Variants in SAMD12 observed in about 807,000 individuals in gnomAD.
The protein encoded by SAMD12 is sterile alpha motif domain containing 12.
Under a neutral mutation model 15.0 loss-of-function variants are expected in SAMD12, and 9 were observed. The observed-to-expected ratio is 0.60, with a 90% confidence interval of 0.36 to 1.05. The LOEUF (loss-of-function observed/expected upper bound fraction) is 1.05. Among genes scored for constraint, SAMD12 ranks in the 50% least tolerant of loss-of-function variants. The probability of loss-of-function intolerance (pLI) is 0.01; values close to 1 mark genes in which losing one functional copy is unlikely to be tolerated. For missense variants in SAMD12, 230 were observed against 234.2 expected, an observed-to-expected ratio of 0.98 and a Z score of 0.12; for synonymous variants, 86 against 90.1, an observed-to-expected ratio of 0.96 and a Z score of 0.25.
At chr8:118,343,152 G>T (rs1260719060) in intron 4 of SAMD12, among the ~76,000 whole-genome samples, 1 of 151,994 alleles carries the variant, frequency 6.6e-6, no homozygotes, top group Non-Finnish European at 1.5e-5. Flanking sequence ...TCCCATGCAG[G>T]AGGCAGGTCC....
At chr8:118,543,585 T>C (rs899027168) in intron 2 of SAMD12, among the ~76,000 whole-genome samples, 8 of 151,950 alleles carry the variant, frequency 5.3e-5, no homozygotes, top group African/African-American at 9.7e-5. Flanking sequence ...ATTCATAAAC[T>C]TTCTTAAAAC....
intron 1 of SAMD12, among the ~76,000 whole-genome samples, chr8:118,604,934 A>T (rs542411025): frequency 2.6e-5 from 4 of 152,284 alleles, no homozygotes; most frequent in African/African-American, 4.8e-5. Flanking sequence ...AAAAATAAAA[A>T]AAATAAAAAT....
chr8:118,167,882 G>T, the SAMD12 span, among the ~76,000 whole-genome samples: 1 of 152,152 alleles, frequency 6.6e-6, no homozygotes, highest in South Asian at 2.1e-4. Flanking sequence ...GGGGTTGTTG[G>T]CTGGGGAGCA....
At chr8:118,311,757 C>T (rs1397713950) in intron 4 of SAMD12, among the ~76,000 whole-genome samples, 4 of 152,288 alleles carry the variant, frequency 2.6e-5, no homozygotes, top group Middle Eastern at 3.4e-3. Flanking sequence ...CTCTGTTTTC[C>T]TCAGCTCTTT....
exon 5 of SAMD12, chr8:118,197,607 A>T (rs1179589755): frequency 1.0e-6 from 1 of 986,512 alleles, no homozygotes; most frequent in Non-Finnish European, 1.6e-6. Flanking sequence ...TCTGTCCACG[A>T]TCCAAGGATA....
At chr8:118,269,212 CTCTCTCTCTGTGTG>C (rs1234260969) in intron 4 of SAMD12, among the ~76,000 whole-genome samples, 1 of 117,976 alleles carries the variant, frequency 8.5e-6, no homozygotes, top group African/African-American at 4.0e-5. Context: ...CTCTCTCTCT[CTCTCTCTCTGTGTG>C]TGTGTGTGTG....
intron 4 of SAMD12, among the ~76,000 whole-genome samples, chr8:118,306,692 AGCT>A (rs1249742023): frequency 6.6e-6 from 1 of 152,176 alleles, no homozygotes; most frequent in Admixed American, 6.5e-5. Context: ...CTTTTGTCTA[AGCT>A]GCTGCTATTT....
At position 118,616,720 on chromosome 8, in the gene SAMD12, G is replaced by A. The variant is rs115584704; in HGVS notation, c.13+5084C>T. 3.7e-3 allele frequency among the ~76,000 whole-genome samples: 556 copies of A among 152,252 alleles called. 7 individuals carry two copies. The highest frequency in any genetic ancestry group is 0.013 in the African/African-American group (538 of 41,544). ...CCAGCTGCCAGTGGTATAGAGCAGG[G>A]GTCCCCAACCCCTGGGTTGTGAACT... On this transcript the variant is annotated intron_variant, in intron 1 of 3. Transcript: ENST00000314727.
rs187728352 is a variant in SAMD12, at chr8:118,585,301, G to A, written c.14-4408C>T. Reference sequence around the variant, plus strand: ...TGGGCTGTGGGAGAGAAAATGGGAAGTTATTGGTAAGTTATGGGTATAGTG... The same window carrying A: ...TGGGCTGTGGGAGAGAAAATGGGAAATTATTGGTAAGTTATGGGTATAGTG... On this transcript the variant is annotated intron_variant, in intron 1 of 3. Transcript: ENST00000314727. Among the ~76,000 whole-genome samples, 27 of 152,324 alleles carry A rather than the reference G, an allele frequency of 1.8e-4. 1 individual carries two copies. Among genetic ancestry groups the A allele is most frequent in the Admixed American group, 1.1e-3 (17 of 15,300 alleles).
the SAMD12 span, among the ~76,000 whole-genome samples, chr8:118,138,681 A>G: frequency 3.9e-5 from 6 of 152,246 alleles, no homozygotes; most frequent in African/African-American, 7.2e-5. Flanking sequence ...CAATCAGAAT[A>G]GGGTTTAAAA....
chr8:118,597,767 A>G (rs1445816781), intron 1 of SAMD12, among the ~76,000 whole-genome samples: 1 of 152,186 alleles, frequency 6.6e-6, no homozygotes, highest in Admixed American at 6.5e-5. Context: ...GAAGACATTT[A>G]AGTTGCTTCC....
At chr8:118,505,674 T>C (rs12541916) in intron 2 of SAMD12, among the ~76,000 whole-genome samples, 87,646 of 150,904 alleles carry the variant, frequency 0.58, 25,760 homozygotes, top group South Asian at 0.7. Context: ...CAGTCACGCA[T>C]TACATACTCT....
intron 2 of SAMD12, among the ~76,000 whole-genome samples, chr8:118,551,300 A>G (rs1444925298): frequency 1.3e-5 from 2 of 150,798 alleles, no homozygotes; most frequent in African/African-American, 5.0e-5. Context: ...AGCAAATGTA[A>G]AAGAACAGAA....
At chr8:118,398,766 AC>A (rs1453444154) in intron 3 of SAMD12, among the ~76,000 whole-genome samples, 3 of 152,206 alleles carry the variant, frequency 2.0e-5, no homozygotes, top group African/African-American at 7.2e-5. Context: ...CATGTTCATT[AC>A]CTTGATTGTA....
intron 1 of SAMD12, among the ~76,000 whole-genome samples, chr8:118,587,772 C>T (rs1827488840): frequency 6.6e-6 from 1 of 152,208 alleles, no homozygotes; most frequent in Admixed American, 6.5e-5. Flanking sequence ...TTATTCTCCT[C>T]TGGACTTGAG....
At chr8:118,190,266 CTCTT>C (rs1419165849) in exon 5 of SAMD12, 4 of 152,052 alleles carry the variant, frequency 2.6e-5, no homozygotes, top group Non-Finnish European at 5.9e-5. Flanking sequence ...ATTTTTCTTC[CTCTT>C]TCTTTCCTAG....
At chr8:118,610,200 G>A (rs762715246) in intron 1 of SAMD12, among the ~76,000 whole-genome samples, 5 of 152,140 alleles carry the variant, frequency 3.3e-5, no homozygotes, top group Non-Finnish European at 7.4e-5. Context: ...ATGCAAAAGT[G>A]TAGAAAGCTA....
intron 1 of SAMD12, among the ~76,000 whole-genome samples, chr8:118,612,917 C>T (rs753623773): frequency 4.6e-5 from 7 of 152,152 alleles, no homozygotes; most frequent in Non-Finnish European, 1.0e-4. Flanking sequence ...GGAGGAATTT[C>T]AATGCATTAC....
intron 1 of SAMD12, among the ~76,000 whole-genome samples, chr8:118,586,989 T>C (rs774799116): frequency 1.3e-5 from 2 of 152,210 alleles, no homozygotes; most frequent in Non-Finnish European, 2.9e-5. Context: ...AAAGCTATCC[T>C]GAAACTACTG....
Sources: gnomAD v4.1 joint callset for allele counts (sites outside exome capture counted in the v4.1 genomes callset) on GRCh38, gnomAD v4.1.1 for gene constraint, MANE v1.5 for transcripts, NCBI Gene and HGNC (gene_info 2026-07-23, HGNC 2026-07-21) for gene names.